Variants in CALN1 observed in about 807,000 individuals in gnomAD.
CALN1 encodes calcium-binding protein 8.
A neutral mutation model predicts 30.6 loss-of-function variants in CALN1; 17 were observed. The observed-to-expected ratio is 0.56, with a 90% CI of 0.38 to 0.83. The LOEUF (loss-of-function observed/expected upper bound fraction) is 0.83. CALN1 is among the 40% of genes least tolerant of loss of function. CALN1 has a pLI of 0.00. For synonymous variants in CALN1, 156 were observed against 131.4 expected, an observed-to-expected ratio of 1.19 and a Z score of -1.28; for missense variants, 291 against 354.9, an observed-to-expected ratio of 0.82 and a Z score of 1.45.
intron 5 of CALN1, among the ~76,000 whole-genome samples, chr7:71,902,252 C>CCAAT (rs1194499746): frequency 1.5e-5 from 2 of 132,918 alleles, no homozygotes; most frequent in South Asian, 2.2e-4. Flanking sequence ...AACCAACCAA[C>CCAAT]CAACCAACCA....
At position 72,277,418 on chromosome 7, in the gene CALN1, G is replaced by A. The variant is rs77780522; in HGVS notation, c.244+1268C>T. Reference sequence around the variant, plus strand: ...CAACTGAAGACCAGAAGATGTAAGGGTTCCTGCTCTCCTCTCAGGCCACCA... The same window carrying A: ...CAACTGAAGACCAGAAGATGTAAGGATTCCTGCTCTCCTCTCAGGCCACCA... On this transcript the variant is annotated intron_variant, in intron 3 of 6. Coordinates refer to ENST00000395275, the MANE Select transcript of CALN1 (RefSeq NM_031468.4). Among the ~76,000 whole-genome samples the A allele has an allele frequency of 1.6e-3, 251 of 152,212 alleles. 1 individual carries two copies. The highest frequency in any genetic ancestry group is 0.01 in the Middle Eastern group (3 of 294).
chr7:72,060,953 A>G (rs920708745), intron 4 of CALN1, among the ~76,000 whole-genome samples: 1 of 152,230 alleles, frequency 6.6e-6, no homozygotes, highest in Non-Finnish European at 1.5e-5. Flanking sequence ...CTCCATACCA[A>G]GGCAAACTCC....
chr7:72,393,726 C>T (rs1301733654), intron 2 of CALN1, among the ~76,000 whole-genome samples: 4 of 148,504 alleles, frequency 2.7e-5, no homozygotes, highest in South Asian at 2.1e-4. Flanking sequence ...GGCCATTTAG[C>T]TTATTGACCA....
intron 3 of CALN1, among the ~76,000 whole-genome samples, chr7:72,167,639 G>A (rs1176850104): frequency 2.6e-5 from 4 of 152,178 alleles, no homozygotes; most frequent in East Asian, 3.9e-4. Flanking sequence ...GCCACCGTGC[G>A]CAGCTACATT....
chr7:71,914,982 C>T (rs1043458289), intron 5 of CALN1, among the ~76,000 whole-genome samples: 1 of 152,170 alleles, frequency 6.6e-6, no homozygotes, highest in African/African-American at 2.4e-5. Flanking sequence ...GGTTTTAACT[C>T]TTACTGAAGG....
intron 5 of CALN1, among the ~76,000 whole-genome samples, chr7:71,937,413 CAT>C (rs1471837676): frequency 2.8e-5 from 4 of 141,596 alleles, no homozygotes; most frequent in Non-Finnish European, 4.7e-5. Flanking sequence ...TATACAGACA[CAT>C]ATAAATATGT....
At chr7:71,999,108 TCAA>T (rs1409394164) in intron 5 of CALN1, among the ~76,000 whole-genome samples, 1 of 152,096 alleles carries the variant, frequency 6.6e-6, no homozygotes, top group East Asian at 1.9e-4. Context: ...GACTTCAAAT[TCAA>T]CAACATAGGC....
At chr7:71,991,047 GA>G (rs1316646398) in intron 5 of CALN1, among the ~76,000 whole-genome samples, 127 of 143,252 alleles carry the variant, frequency 8.9e-4, no homozygotes, top group African/African-American at 3.5e-3. Flanking sequence ...ATGAAACAGT[GA>G]GGGGGGGGGT....
chr7:71,834,602 T>A (rs1003256661), intron 5 of CALN1, among the ~76,000 whole-genome samples: 2 of 152,148 alleles, frequency 1.3e-5, no homozygotes, highest in Non-Finnish European at 2.9e-5. Flanking sequence ...ATGATTTTTT[T>A]CTTAGAAGCC....
Position 72,340,292 on chromosome 7 carries a change from C to G in CALN1, c.120-61482G>C, listed in dbSNP as rs550859057. 6.6e-5 allele frequency among the ~76,000 whole-genome samples: 10 copies of G among 152,270 alleles called. No homozygotes were observed. In the South Asian group the frequency reaches 2.1e-3, roughly 32 times the overall value. On this transcript the variant is annotated intron_variant, in intron 2 of 6. Transcript: ENST00000395275. The stretch of plus-strand genomic sequence containing the variant: ...CTCCCTATGTTGCCCAGGCTGGTCT[C>G]AAACTCCTGGCCTCAAGTAATCCTC...
At chr7:72,294,293 C>T (rs896447441) in intron 2 of CALN1, among the ~76,000 whole-genome samples, 3 of 152,086 alleles carry the variant, frequency 2.0e-5, no homozygotes, top group Admixed American at 6.6e-5. Context: ...AAAGTTCTCA[C>T]TTCAAACAAT....
chr7:72,447,477 C>A (rs1355482771), upstream of CALN1, among the ~76,000 whole-genome samples: 2 of 152,190 alleles, frequency 1.3e-5, no homozygotes, highest in East Asian at 3.9e-4. Flanking sequence ...TCTTCCAGAC[C>A]GAGGGAAAGA....
intron 5 of CALN1, among the ~76,000 whole-genome samples, chr7:71,989,670 G>A (rs844692): frequency 0.16 from 24,608 of 152,110 alleles, 3,241 homozygotes; most frequent in East Asian, 0.38. Flanking sequence ...ATACGGATCC[G>A]GGGCGAGGGT....
intron 5 of CALN1, among the ~76,000 whole-genome samples, chr7:71,926,332 C>T (rs1406638187): frequency 6.6e-6 from 1 of 152,282 alleles, no homozygotes; most frequent in African/African-American, 2.4e-5. Flanking sequence ...AGCCAGCACT[C>T]CAGAAAGTTA....
At chr7:71,958,880 A>G (rs1797101504) in intron 5 of CALN1, among the ~76,000 whole-genome samples, 1 of 152,180 alleles carries the variant, frequency 6.6e-6, no homozygotes, top group Non-Finnish European at 1.5e-5. Flanking sequence ...CTCACAACAG[A>G]CATTGCCCAG....
intron 1 of CALN1, among the ~76,000 whole-genome samples, chr7:72,436,746 C>T (rs3095929): frequency 0.19 from 28,559 of 152,074 alleles, 2,910 homozygotes; most frequent in Non-Finnish European, 0.23. Flanking sequence ...TGGGCCCAAA[C>T]AAGCAGCCTC....
intron 3 of CALN1, among the ~76,000 whole-genome samples, chr7:72,177,133 C>G (rs1481504908): frequency 1.3e-5 from 2 of 152,172 alleles, no homozygotes; most frequent in African/African-American, 4.8e-5. Flanking sequence ...AGTTGAGCTA[C>G]AAGAGCTCAT....
chr7:72,040,831 T>C (rs943881108), intron 4 of CALN1, among the ~76,000 whole-genome samples: 3 of 152,118 alleles, frequency 2.0e-5, no homozygotes, highest in African/African-American at 7.2e-5. Flanking sequence ...GAGGCTTCAG[T>C]AGAAACCAAC....
chr7:72,248,100 T>C (rs1795313130), intron 3 of CALN1, among the ~76,000 whole-genome samples: 1 of 152,188 alleles, frequency 6.6e-6, no homozygotes, highest in Non-Finnish European at 1.5e-5. Flanking sequence ...CTGGAGGCTC[T>C]AGTGGATAAT....
Sources: allele counts gnomAD v4.1 joint callset (sites outside exome capture counted in the v4.1 genomes callset), GRCh38; gene constraint gnomAD v4.1.1; transcripts MANE v1.5; gene names NCBI Gene and HGNC (gene_info 2026-07-23, HGNC 2026-07-21).